The following STK32B variants were observed in gnomAD, a reference collection of about 807,000 sequenced individuals.
STK32B encodes the protein serine/threonine-protein kinase 32B.
STK32B carries 43 observed loss-of-function variants against 52.6 expected under a neutral mutation model. The ratio of observed to expected loss-of-function variants is 0.82; its 90% CI spans 0.64 to 1.05. The LOEUF (loss-of-function observed/expected upper bound fraction) is 1.05. STK32B is among the 50% of genes least tolerant of loss of function. STK32B has a pLI of 0.00. For missense variants in STK32B, 621 were observed against 534.6 expected (o/e 1.16, Z -1.59); for synonymous variants, 238 against 204.3 (o/e 1.17, Z -1.41).
intron 11 of STK32B, among the ~76,000 whole-genome samples, chr4:5,488,422 A>AT (rs1196202356): frequency 1.3e-5 from 2 of 152,102 alleles, no homozygotes; most frequent in Non-Finnish European, 2.9e-5. Context: ...TTTCAAAAAC[A>AT]TTTTTTATTT....
chr4:5,495,201 T>A (rs1303758660), intron 11 of STK32B, among the ~76,000 whole-genome samples: 2 of 152,216 alleles, frequency 1.3e-5, no homozygotes, highest in African/African-American at 4.8e-5. Flanking sequence ...TCCCTGTCAC[T>A]TTCAGGTACA....
rs574053449 is a variant in STK32B at position 5,075,352 on chromosome 4, C to G, written c.52+23437C>G. Among the ~76,000 whole-genome samples, 575 of 152,182 alleles carry G rather than the reference C, an allele frequency of 3.8e-3. 2 individuals are homozygous for G. Among genetic ancestry groups the G allele is most frequent in the African/African-American group, 0.014 (562 of 41,540 alleles). On this transcript the variant is annotated intron_variant, in intron 1 of 11. Transcript: ENST00000282908. The stretch of plus-strand genomic sequence containing the variant: ...AATTTGGTGGATTTGAAATGAAACC[C>G]GAAGGTTTTATTAATGTCCATGACA...
intron 1 of STK32B, among the ~76,000 whole-genome samples, chr4:5,092,345 A>G (rs1324296766): frequency 6.6e-6 from 1 of 152,196 alleles, no homozygotes; most frequent in African/African-American, 2.4e-5. Context: ...CAGCCTGGGC[A>G]ACATGGTGAA....
chr4:5,485,039 A>G (rs1719033504), intron 11 of STK32B, among the ~76,000 whole-genome samples: 1 of 149,106 alleles, frequency 6.7e-6, no homozygotes, highest in South Asian at 2.2e-4. Context: ...CTTCATTTCA[A>G]CTTTGATGAA....
chr4:5,246,600 G>C (rs1457122277), intron 3 of STK32B, among the ~76,000 whole-genome samples: 3 of 152,150 alleles, frequency 2.0e-5, no homozygotes, highest in African/African-American at 4.8e-5. Context: ...GTCCAGCTTT[G>C]TTCTGTTGCT....
At chr4:5,316,882 T>TATGATATAA (rs1730912564) in intron 3 of STK32B, among the ~76,000 whole-genome samples, 1 of 4,958 alleles carries the variant, frequency 2.0e-4, no homozygotes, top group Non-Finnish European at 2.6e-4. Flanking sequence ...ATATAATATA[T>TATGATATAA]TATATATATT....
chr4:5,068,830 G>T (rs1711585178), intron 1 of STK32B, among the ~76,000 whole-genome samples: 2 of 152,124 alleles, frequency 1.3e-5, no homozygotes, highest in South Asian at 4.1e-4. Flanking sequence ...TAAGACGGAT[G>T]CAAAACAATG....
chr4:5,316,831 T>TTA (rs1730886005), intron 3 of STK32B, among the ~76,000 whole-genome samples: 4 of 2,548 alleles, frequency 1.6e-3, no homozygotes, highest in Admixed American at 0.014. Context: ...ATCATATATA[T>TTA]TATATATTAT....
intron 4 of STK32B, among the ~76,000 whole-genome samples, chr4:5,356,810 A>G (rs1734198677): frequency 6.6e-6 from 1 of 152,144 alleles, no homozygotes; most frequent in Non-Finnish European, 1.5e-5. Context: ...CAGTCTGGCC[A>G]ACATGGTGAA....
chr4:5,352,751 A>G (rs1733917162), intron 4 of STK32B, among the ~76,000 whole-genome samples: 1 of 152,092 alleles, frequency 6.6e-6, no homozygotes, highest in East Asian at 1.9e-4. Context: ...TAAAGTGGCT[A>G]GATACAAAAT....
chr4:5,160,268 C>G (rs933560671), intron 2 of STK32B, among the ~76,000 whole-genome samples: 9 of 152,300 alleles, frequency 5.9e-5, no homozygotes, highest in Non-Finnish European at 1.2e-4. Context: ...GCTGATCACA[C>G]AACCATAATG....
At chr4:5,457,268 T>G (rs1254791933) in intron 8 of STK32B, among the ~76,000 whole-genome samples, 2 of 144,210 alleles carry the variant, frequency 1.4e-5, no homozygotes, top group Non-Finnish European at 3.0e-5. Flanking sequence ...CAGGCTGGAG[T>G]GCAGTGGCGC....
the STK32B span, among the ~76,000 whole-genome samples, chr4:5,027,149 CCT>C: frequency 1.3e-4 from 20 of 152,168 alleles, no homozygotes; most frequent in African/African-American, 4.8e-4. Flanking sequence ...CACATCTTCC[CCT>C]GTTTATGTGA....
rs1432617579 is a variant in STK32B at position 5,177,786 on chromosome 4, C to CT, written c.260+9339dup. 3.3e-5 allele frequency among the ~76,000 whole-genome samples: 5 copies of CT among 152,310 alleles called. No individual in the cohort carries two copies. The East Asian group carries it at 7.7e-4, about 24-fold the overall frequency. ...AAATCCAACAGGGCAGTCATTAAACCTTTAAGTTCCAAAATGATCTCCTTT... is the reference window on the plus strand; with the variant it reads ...AAATCCAACAGGGCAGTCATTAAACCTTTTAAGTTCCAAAATGATCTCCTTT... On this transcript the variant is annotated intron_variant, in intron 3 of 11. Transcript: ENST00000282908.
At chr4:5,193,563 G>C (rs1401477742) in intron 3 of STK32B, among the ~76,000 whole-genome samples, 1 of 152,236 alleles carries the variant, frequency 6.6e-6, no homozygotes, top group Admixed American at 6.5e-5. Flanking sequence ...AGGGATAACA[G>C]GTGTGCCAGT....
chr4:5,206,741 C>T (rs1722599689), intron 3 of STK32B, among the ~76,000 whole-genome samples: 1 of 152,238 alleles, frequency 6.6e-6, no homozygotes, highest in East Asian at 1.9e-4. Context: ...CAGCATCTGC[C>T]AGAACCATTC....
intron 9 of STK32B, among the ~76,000 whole-genome samples, chr4:5,466,314 T>C (rs1717430578): frequency 6.6e-6 from 1 of 152,210 alleles, no homozygotes; most frequent in South Asian, 2.1e-4. Context: ...GCTGAAATTG[T>C]ATTCTTAAGT....
At chr4:5,292,193 A>G (rs933994012) in intron 3 of STK32B, among the ~76,000 whole-genome samples, 1 of 152,130 alleles carries the variant, frequency 6.6e-6, no homozygotes, top group African/African-American at 2.4e-5. Context: ...CAGTAATTCT[A>G]TTTTTAGCTC....
chr4:5,140,363 GAGA>G (rs923770670), intron 2 of STK32B: 1 of 1,153,088 alleles, frequency 8.7e-7, no homozygotes, highest in African/African-American at 1.6e-5. Context: ...AGAAGGCTAG[GAGA>G]AGATGGCAGG....
Sources: allele counts gnomAD v4.1 joint callset (sites outside exome capture counted in the v4.1 genomes callset), GRCh38; gene constraint gnomAD v4.1.1; transcripts MANE v1.5; gene names NCBI Gene and HGNC (gene_info 2026-07-23, HGNC 2026-07-21).